The following RAD54B variants were observed in gnomAD, a reference collection of about 807,000 sequenced individuals.
RAD54B encodes DNA repair and recombination protein RAD54B.
RAD54B carries 78 observed loss-of-function variants against 95.8 expected under a neutral mutation model. The ratio of observed to expected loss-of-function variants is 0.81; its 90% CI spans 0.68 to 0.98. RAD54B has a LOEUF of 0.98. Ranked by LOEUF, RAD54B falls within the 50% of genes least tolerant of loss-of-function variation. The pLI, the probability that RAD54B is intolerant of heterozygous loss-of-function variation, is 0.00. For synonymous variants in RAD54B, 328 were observed against 354.9 expected (o/e 0.92, Z 0.85); for missense variants, 957 against 1,056.6 (o/e 0.91, Z 1.31).
intron 3 of RAD54B, among the ~76,000 whole-genome samples, chr8:94,457,936 C>T (rs997725919): frequency 3.3e-5 from 5 of 152,124 alleles, no homozygotes; most frequent in African/African-American, 1.2e-4. Context: ...TTCAACTCTC[C>T]AATTTTAGTC....
At chr8:94,456,549 C>T (rs1231803022) in intron 3 of RAD54B, among the ~76,000 whole-genome samples, 1 of 152,080 alleles carries the variant, frequency 6.6e-6, no homozygotes, top group African/African-American at 2.4e-5. Flanking sequence ...AGAAAGCACA[C>T]AAATGAGGCA....
chr8:94,430,209 G>A (rs867303586), intron 3 of RAD54B: 10 of 680,260 alleles, frequency 1.5e-5, no homozygotes, highest in African/African-American at 9.8e-5. Flanking sequence ...TACTTGGGAA[G>A]CTGAAGCAGG....
intron 2 of RAD54B, among the ~76,000 whole-genome samples, chr8:94,459,032 T>C (rs759156176): frequency 2.6e-5 from 4 of 152,202 alleles, no homozygotes; most frequent in Non-Finnish European, 4.4e-5. Flanking sequence ...AATCATAACA[T>C]GCCATTCTCA....
intron 3 of RAD54B, 115 bp downstream of exon 3, chr8:94,458,153 G>A: frequency 1.1e-6 from 1 of 917,166 alleles, no homozygotes; most frequent in Admixed American, 3.0e-5. Context: ...CAACAATGTA[G>A]TGGTATTACA....
At chr8:94,391,416 A>G (rs10089098) in intron 10 of RAD54B, among the ~76,000 whole-genome samples, 193 bp downstream of exon 10, 4,368 of 149,636 alleles carry the variant, frequency 0.029, 80 homozygotes, top group Non-Finnish European at 0.043. Context: ...CTTCAGCTCT[A>G]GGAGTGTGGA....
intron 14 of RAD54B, among the ~76,000 whole-genome samples, chr8:94,377,408 C>CA (rs978551468): frequency 6.6e-6 from 1 of 151,514 alleles, no homozygotes; most frequent in Non-Finnish European, 1.5e-5. Flanking sequence ...TGGTGGTGCA[C>CA]ACCTGTAGTC....
At chr8:94,396,992 T>TG (rs1199764002) in intron 8 of RAD54B, among the ~76,000 whole-genome samples, 1 of 152,162 alleles carries the variant, frequency 6.6e-6, no homozygotes, top group Non-Finnish European at 1.5e-5. Flanking sequence ...GCTGACATCT[T>TG]GATCTTGGAC....
At chr8:94,391,289 G>C (rs1811011078) in intron 10 of RAD54B, among the ~76,000 whole-genome samples, 1 of 151,368 alleles carries the variant, frequency 6.6e-6, no homozygotes. Flanking sequence ...AAACAAAACT[G>C]ACAGACTATA....
At chr8:94,400,972 T>C (rs2450561) in intron 6 of RAD54B, among the ~76,000 whole-genome samples, 152,239 of 152,300 alleles carry the variant, frequency 1, 76,089 homozygotes, top group Middle Eastern at 1. Flanking sequence ...ATATAATACA[T>C]ATAATTTAGT....
chr8:94,420,957 C>T (rs999456406), intron 3 of RAD54B, among the ~76,000 whole-genome samples: 1 of 151,380 alleles, frequency 6.6e-6, no homozygotes, highest in African/African-American at 2.4e-5. Context: ...TGCACTCCAG[C>T]CTGGGCAATC....
intron 11 of RAD54B, among the ~76,000 whole-genome samples, chr8:94,386,694 T>C (rs1810897737): frequency 6.6e-6 from 1 of 152,120 alleles, no homozygotes; most frequent in Admixed American, 6.6e-5. Context: ...TGTATCAGTA[T>C]TTAAGAAACA....
chr8:94,400,131 C>A, intron 7 of RAD54B, 107 bp downstream of exon 7: 1 of 965,556 alleles, frequency 1.0e-6, no homozygotes. Flanking sequence ...GCTAAAACTC[C>A]ATTTTTGTGC....
At chr8:94,402,251 CTT>C (rs145064709) in intron 6 of RAD54B, among the ~76,000 whole-genome samples, 5 of 143,862 alleles carry the variant, frequency 3.5e-5, no homozygotes, top group Admixed American at 6.9e-5. Context: ...TGCTATTTTT[CTT>C]TTTTTTTTTT....
At chr8:94,429,781 T>TAA (rs1220004883) in intron 3 of RAD54B, 1 of 985,146 alleles carries the variant, frequency 1.0e-6, no homozygotes, top group African/African-American at 1.7e-5. Flanking sequence ...CTCTACCAGC[T>TAA]ATAAAACACC....
intron 3 of RAD54B, among the ~76,000 whole-genome samples, chr8:94,416,187 T>C (rs1340530206): frequency 1.3e-5 from 2 of 151,572 alleles, no homozygotes; most frequent in East Asian, 1.9e-4. Context: ...TATGCAGCCA[T>C]AAAAAATGAT....
At chr8:94,377,434 G>A (rs925482343) in intron 14 of RAD54B, among the ~76,000 whole-genome samples, 6 of 151,350 alleles carry the variant, frequency 4.0e-5, no homozygotes, top group African/African-American at 1.5e-4. Context: ...TACTCAGGAG[G>A]CTGAAGCTGG....
At chr8:94,407,359 A>G (rs1485202724) in intron 5 of RAD54B, 80 bp downstream of exon 5, 1 of 1,400,250 alleles carries the variant, frequency 7.1e-7, no homozygotes, top group South Asian at 1.4e-5. Flanking sequence ...CTTTTAAAAC[A>G]AAATTTAAAC....
intron 3 of RAD54B, chr8:94,436,659 G>T: frequency 6.4e-7 from 1 of 1,550,406 alleles, no homozygotes; most frequent in Non-Finnish European, 8.7e-7. Context: ...TTTTATAAAG[G>T]GTGCGTAGGC....
rs1247876372 is a variant in RAD54B, at chr8:94,430,444, G to A, written c.305-19129C>T. 8.1e-6 allele frequency: 8 copies of A among 984,962 alleles called. No individual in the cohort carries two copies. The East Asian group carries it at 5.7e-4, about 70-fold the overall frequency. The allele number at this position is 984,962 out of a possible 1,614,324, so 61.0% of individuals were successfully genotyped here. A position where few individuals can be genotyped will look rare whatever the true frequency, so the allele number is the denominator to read the frequency against. ...GACTAGTATGATTTAGGCACCAAGCGAGGTTCCAAAATACTCTGTTTCACT... is the reference window on the plus strand; with the variant it reads ...GACTAGTATGATTTAGGCACCAAGCAAGGTTCCAAAATACTCTGTTTCACT... On this transcript the variant is annotated intron_variant, in intron 3 of 14. Transcript: ENST00000336148.
Sources: gnomAD v4.1 joint callset for allele counts (sites outside exome capture counted in the v4.1 genomes callset) on GRCh38, gnomAD v4.1.1 for gene constraint, MANE v1.5 for transcripts, NCBI Gene and HGNC (gene_info 2026-07-23, HGNC 2026-07-21) for gene names.